Variants in SIGLEC11 observed in about 807,000 individuals in gnomAD.
SIGLEC11 encodes sialic acid-binding Ig-like lectin 11.
In SIGLEC11, 47 loss-of-function variants were observed where a neutral mutation model predicts 61.2. The ratio of observed to expected loss-of-function variants is 0.77; its 90% confidence interval spans 0.61 to 0.98. The LOEUF (loss-of-function observed/expected upper bound fraction) is 0.98. SIGLEC11 is among the 50% of genes least tolerant of loss of function. SIGLEC11 has a pLI of 0.00. For missense variants in SIGLEC11, 610 were observed against 870.3 expected, an observed-to-expected ratio of 0.70 and a Z score of 3.76; for synonymous variants, 278 against 373.1, an observed-to-expected ratio of 0.75 and a Z score of 2.94.
Position 49,951,924 on chromosome 19 carries a change from C to G in SIGLEC11, c.1797G>C (p.Gln599His), listed in dbSNP as rs751700927. 3.7e-6 allele frequency: 6 copies of G among 1,610,768 alleles called. No individual in the cohort carries two copies. The highest frequency in any genetic ancestry group is 5.1e-6 in the Non-Finnish European group (6 of 1,178,750). Residue 599 changes from glutamine (Q) to histidine (H), a missense_variant, in exon 10 of 11, where the codon CAG becomes CAC. This residue lies in a region of SIGLEC11 where 432 missense variants were observed against 441.5 expected (regional missense o/e 0.98). Coordinates refer to ENST00000447370, the MANE Select transcript of SIGLEC11 (RefSeq NM_052884.3). The surrounding 1 kb of genome is among the most constrained non-coding windows in gnomAD (Gnocchi z 4.6). ...KEARKRAAAE[Q>H]DVPSTLGPIS... ...TGGGTCCCAGGGTGGAGGGCACGTC[C>G]TGCTCAGCTGCTGCCCTCTTGCGAG...
intron 10 of SIGLEC11, among the ~76,000 whole-genome samples, chr19:49,950,485 A>G (rs998828785): frequency 1.3e-5 from 2 of 152,258 alleles, no homozygotes; most frequent in Middle Eastern, 3.4e-3. Flanking sequence ...ATCCAGACTC[A>G]TAAAATCCTC....
At chr19:49,959,144 C>T in intron 5 of SIGLEC11, 67 bp from the exon 6 acceptor site, 6 of 942,514 alleles carry the variant, frequency 6.4e-6, no homozygotes, top group South Asian at 6.2e-5. Context: ...AGGGAACTAT[C>T]CTGGACACTG....
rs1210154569 is a variant in SIGLEC11 at position 49,950,119 on chromosome 19, G to C, written c.1948C>G (p.Gln650Glu). 6.2e-7 allele frequency: 1 copy of C among 1,612,694 alleles called. No homozygotes were observed. The highest frequency in any genetic ancestry group is 2.2e-5 in the East Asian group (1 of 44,848). The change falls in exon 11 of 11, where the codon CAG (glutamine) becomes GAG (glutamate). Residue 650 changes from glutamine (Q) to glutamate (E), a missense_variant. Gln to Glu is a conservative substitution (Grantham distance 29). This residue lies in a region of SIGLEC11 where 432 missense variants were observed against 441.5 expected (regional missense o/e 0.98). Transcript: ENST00000447370. ...GCAGGCTCCCAGAGCCTCAGGCCCTGGAAGCTGAGGGAGGCATAGTGGAGC... is the reference window on the plus strand; with the variant it reads ...GCAGGCTCCCAGAGCCTCAGGCCCTCGAAGCTGAGGGAGGCATAGTGGAGC... ...QELHYASLSF[Q>E]GLRLWEPADQ... is the part of the protein sequence containing the mutation.
Position 49,950,213 on chromosome 19 carries a change from T to C in SIGLEC11, c.1854A>G (p.Ala618=), listed in dbSNP as rs1165184116. ...ISQGHQHECS[A]GSSQDHPPPG... ...GGGGCGGGTGGTCTTGGGAGCTGCC[T>C]GCCGAGCATTCATGCTGGTGACCCT... is the stretch of plus-strand genomic sequence containing the variant. The change falls in exon 11 of 11, where the codon GCA becomes GCG. Residue 618 remains alanine, a synonymous_variant. Coordinates refer to ENST00000447370, the MANE Select transcript of SIGLEC11 (RefSeq NM_052884.3). 6.3e-7 allele frequency: 1 copy of C among 1,594,170 alleles called. No homozygotes were observed. Among genetic ancestry groups the C allele is most frequent in the Non-Finnish European group, 8.5e-7 (1 of 1,172,726 alleles).
rs889234101 is a variant in SIGLEC11, at chr19:49,955,828, G to A, written c.1651+2455C>T. 6.6e-6 allele frequency among the ~76,000 whole-genome samples: 1 copy of A among 151,958 alleles called. No individual in the cohort carries two copies. Among genetic ancestry groups the A allele is most frequent in the South Asian group, 2.1e-4 (1 of 4,814 alleles). On this transcript the variant is annotated intron_variant, in intron 8 of 10. Transcript: ENST00000447370. The surrounding 1 kb of genome is among the most constrained non-coding windows in gnomAD (Gnocchi z 4.5). ...CGGGCGCCTGTAGTCCCAGCTACTC[G>A]GGAGGCTGAGGCAGGAGAATGGCGT...
intron 8 of SIGLEC11, among the ~76,000 whole-genome samples, chr19:49,953,752 G>GT (rs1257983737): frequency 6.6e-6 from 1 of 152,098 alleles, no homozygotes; most frequent in African/African-American, 2.4e-5. Flanking sequence ...GAAAACTCCC[G>GT]TAATAGGAGA....
In SIGLEC11 at chr19:49,951,118, G is replaced by T. The variant is rs117180821; in HGVS notation, c.1830+773C>A. Reference sequence around the variant, plus strand: ...GCGGGGCCTACGTAGCATCAGTTTGGCTCTGCAGGGGCTGAGGAACTGAAG... The same window carrying T: ...GCGGGGCCTACGTAGCATCAGTTTGTCTCTGCAGGGGCTGAGGAACTGAAG... On this transcript the variant is annotated intron_variant, in intron 10 of 10. Coordinates refer to ENST00000447370, the MANE Select transcript of SIGLEC11 (RefSeq NM_052884.3). This position sits in a 1 kb window ranked among gnomAD's most constrained non-coding sequence, Gnocchi z 4.6. 0.047 allele frequency among the ~76,000 whole-genome samples: 7,193 copies of T among 152,246 alleles called. 227 individuals carry two copies. The highest frequency in any genetic ancestry group is 0.078 in the Middle Eastern group (23 of 294).
At chr19:49,958,992 G>A (rs1348130506) in intron 6 of SIGLEC11, 38 bp downstream of exon 6, 1 of 1,613,480 alleles carries the variant, frequency 6.2e-7, no homozygotes, top group East Asian at 2.2e-5. Context: ...CCCCAGTTTG[G>A]CACTGAGAGG....
At chr19:49,958,984 C>T (rs778472942) in intron 6 of SIGLEC11, 46 bp downstream of exon 6, 5 of 1,613,498 alleles carry the variant, frequency 3.1e-6, no homozygotes, top group African/African-American at 2.7e-5. Context: ...TCCTGGGCCC[C>T]CAGTTTGGCA....
Position 49,955,778 on chromosome 19 carries a change from C to CA in SIGLEC11, c.1651+2504dup, listed in dbSNP as rs1373910519. Among the ~76,000 whole-genome samples, 1 of 151,926 alleles carries CA rather than the reference C, an allele frequency of 6.6e-6. No individual in the cohort carries two copies. The highest frequency in any genetic ancestry group is 2.1e-4 in the South Asian group (1 of 4,804). ...TGAAACCCTGTCTCTAGTAAAAATA[C>CA]AAAAAAATTAGCCGGGCTTGGTGGC... On this transcript the variant is annotated intron_variant, in intron 8 of 10. Coordinates refer to ENST00000447370, the MANE Select transcript of SIGLEC11 (RefSeq NM_052884.3). This position sits in a 1 kb window ranked among gnomAD's most constrained non-coding sequence, Gnocchi z 4.5.
intron 8 of SIGLEC11, among the ~76,000 whole-genome samples, chr19:49,954,199 G>A (rs1600610212): frequency 6.6e-6 from 1 of 152,142 alleles, no homozygotes; most frequent in African/African-American, 2.4e-5. Flanking sequence ...CTGACACGAA[G>A]TTAAAAGAAA....
At chr19:49,950,737 G>A (rs2076153687) in intron 10 of SIGLEC11, among the ~76,000 whole-genome samples, 1 of 152,206 alleles carries the variant, frequency 6.6e-6, no homozygotes, top group Non-Finnish European at 1.5e-5. Context: ...GGAAGAAGAA[G>A]TAGACACATT....
At chr19:49,959,292 C>A (rs1218524426) in intron 5 of SIGLEC11, 68 bp downstream of exon 5, 1 of 1,586,346 alleles carries the variant, frequency 6.3e-7, no homozygotes, top group East Asian at 2.2e-5. Context: ...AGCTCTGGGA[C>A]CCTGAGCCCA....
chr19:49,952,732 C>A (rs962385761), intron 8 of SIGLEC11, among the ~76,000 whole-genome samples: 12 of 152,184 alleles, frequency 7.9e-5, no homozygotes, highest in Non-Finnish European at 2.9e-5. Flanking sequence ...ACTGTTACTC[C>A]TTTCCCTGGC....
Position 49,958,638 on chromosome 19 carries a change from C to T in SIGLEC11, c.1363+5G>A, listed in dbSNP as rs541281546. 37 of 1,583,032 alleles carry T rather than the reference C, an allele frequency of 2.3e-5. No individual in the cohort carries two copies. Among genetic ancestry groups the T allele is most frequent in the Non-Finnish European group, 3.0e-5 (35 of 1,165,108 alleles). ...GGACCCAGGTGTCCCCTTTCCCCCA[C>T]TCACAGTGCACGGAGAGGCTGAGAG... On this transcript the variant is annotated splice_donor_5th_base_variant and intron_variant, in intron 7 of 10. Transcript: ENST00000447370.
intron 8 of SIGLEC11, among the ~76,000 whole-genome samples, chr19:49,953,002 T>A (rs1173396659): frequency 6.6e-6 from 1 of 152,198 alleles, no homozygotes; most frequent in Non-Finnish European, 1.5e-5. Flanking sequence ...TAAACAATCC[T>A]CCTGTTCTCC....
intron 8 of SIGLEC11, among the ~76,000 whole-genome samples, chr19:49,954,985 A>C (rs1271304938): frequency 6.6e-6 from 1 of 152,206 alleles, no homozygotes; most frequent in Non-Finnish European, 1.5e-5. Context: ...ACGAGAGCCC[A>C]AGTCAGTTTT....
rs374104181 is a variant in SIGLEC11 at position 49,958,881 on chromosome 19, G to T, written c.1125C>A (p.Asn375Lys). 1.2e-6 allele frequency: 2 copies of T among 1,600,064 alleles called. No individual in the cohort carries two copies. The highest frequency in any genetic ancestry group is 1.3e-5 in the African/African-American group (1 of 74,454). The change falls in exon 7 of 11, where the codon AAC (asparagine) becomes AAA (lysine). Residue 375 changes from asparagine (N) to lysine (K), a missense_variant. Physicochemically the swap from Asn to Lys is moderately conservative, Grantham distance 94. Coordinates refer to ENST00000447370, the MANE Select transcript of SIGLEC11 (RefSeq NM_052884.3). ...ANRTVLENLG[N>K]GTSLPVLEGQ... is the part of the protein sequence containing the mutation. The stretch of plus-strand genomic sequence containing the variant: ...CCTCCAGGACCGGGAGGGATGTGCC[G>T]TTCCCGAGGTTTTCCAGGACTAGGG...
chr19:49,949,952 G>A lies in SIGLEC11; in HGVS notation c.*18C>T. 7.1e-7 allele frequency: 1 copy of A among 1,418,050 alleles called. No individual in the cohort carries two copies. Among genetic ancestry groups the A allele is most frequent in the Non-Finnish European group, 9.3e-7 (1 of 1,077,244 alleles). 87.8% of individuals were successfully genotyped at this position (1,418,050 alleles called of 1,614,324 possible). A position where few individuals can be genotyped will look rare whatever the true frequency, so the allele number is the denominator to read the frequency against. ...ACTCCCACACACTTGCTGGTGTCCTGTTGCCATGGAGACCTCTTCACTTTG... is the reference window on the plus strand; with the variant it reads ...ACTCCCACACACTTGCTGGTGTCCTATTGCCATGGAGACCTCTTCACTTTG... On this transcript the variant is annotated 3_prime_UTR_variant, in exon 11 of 11. Transcript: ENST00000447370.
Sources: gnomAD v4.1 joint callset for allele counts (sites outside exome capture counted in the v4.1 genomes callset) on GRCh38, gnomAD v4.1.1 for gene constraint, gnomAD v4.1.1 regional missense constraint, Gnocchi (gnomAD v3.1) non-coding constraint, MANE v1.5 for transcripts, NCBI Gene and HGNC (gene_info 2026-07-23, HGNC 2026-07-21) for gene names.